ASAH2: variants seen among roughly 807,000 people sequenced by gnomAD.
ASAH2 encodes N-acylsphingosine amidohydrolase 2.
A neutral mutation model predicts 82.9 loss-of-function variants in ASAH2; 58 were observed. The ratio of observed to expected loss-of-function variants is 0.70; its 90% confidence interval spans 0.57 to 0.87. The LOEUF is 0.87. Among genes scored for constraint, ASAH2 ranks in the 40% least tolerant of loss-of-function variants. ASAH2 has a pLI of 0.00. For missense variants in ASAH2, 779 were observed against 834.0 expected, an observed-to-expected ratio of 0.93 and a Z score of 0.81; for synonymous variants, 276 against 289.7, an observed-to-expected ratio of 0.95 and a Z score of 0.48.
intron 7 of ASAH2, among the ~76,000 whole-genome samples, chr10:50,225,300 C>G (rs1371209507): frequency 7.9e-5 from 12 of 152,218 alleles, no homozygotes; most frequent in African/African-American, 2.9e-4. Context: ...GCTGTAATCC[C>G]AGCTACTGGG....
At chr10:50,249,674 A>C (rs1295533754) in intron 1 of ASAH2, among the ~76,000 whole-genome samples, 1 of 152,214 alleles carries the variant, frequency 6.6e-6, no homozygotes, top group African/African-American at 2.4e-5. Context: ...ATGAAGCAAC[A>C]GTACTTCTTT....
intron 4 of ASAH2, among the ~76,000 whole-genome samples, chr10:50,237,375 G>A (rs1371184033): frequency 6.6e-6 from 1 of 152,156 alleles, no homozygotes; most frequent in Non-Finnish European, 1.5e-5. Context: ...CTTCCACCTT[G>A]GTCAAGCCAT....
intron 18 of ASAH2, among the ~76,000 whole-genome samples, chr10:50,195,665 G>C (rs1429953656): frequency 6.6e-6 from 1 of 151,744 alleles, no homozygotes; most frequent in Non-Finnish European, 1.5e-5. Flanking sequence ...ATGGATGAAT[G>C]GATAAAGAAA....
Position 50,203,808 on chromosome 10 carries a change from A to G in ASAH2, c.1626-129T>C, listed in dbSNP as rs1845224410. 1.1e-4 allele frequency: 88 copies of G among 783,420 alleles called. 2 individuals carry two copies. The South Asian group carries it at 1.3e-3, about 11-fold the overall frequency. 48.5% of individuals were successfully genotyped at this position (783,420 alleles called of 1,614,324 possible). A position where few individuals can be genotyped will look rare whatever the true frequency, so the allele number is the denominator to read the frequency against. On this transcript the variant is annotated intron_variant, in intron 14 of 20. Coordinates refer to ENST00000682911, the MANE Select transcript of ASAH2 (RefSeq NM_019893.4). ...CAATAGTAAAATATGTAGGAACCCA[A>G]TGACTATGAAAAGCTAAACTTGAAC...
intron 1 of ASAH2, among the ~76,000 whole-genome samples, chr10:50,250,740 TCAAA>T (rs1564856690): frequency 6.6e-6 from 1 of 152,214 alleles, no homozygotes; most frequent in African/African-American, 2.4e-5. Flanking sequence ...AGCCTGTGTA[TCAAA>T]CAGAGAGGGT....
intron 1 of ASAH2, among the ~76,000 whole-genome samples, chr10:50,249,057 G>A (rs571686878): frequency 8.5e-4 from 130 of 152,298 alleles, no homozygotes; most frequent in African/African-American, 3.0e-3. Flanking sequence ...CATACTTCTT[G>A]TATTTGGGAG....
At chr10:50,198,210 C>CA (rs1743922190) in intron 17 of ASAH2, 1 of 151,806 alleles carries the variant, frequency 6.6e-6, no homozygotes, top group Non-Finnish European at 1.5e-5. Context: ...TGCTATGCCA[C>CA]AATTGTTTCA....
At chr10:50,238,375 T>C (rs1474370667) in intron 4 of ASAH2, among the ~76,000 whole-genome samples, 5 of 152,356 alleles carry the variant, frequency 3.3e-5, no homozygotes, top group African/African-American at 1.2e-4. Flanking sequence ...TCCCAAAGAC[T>C]GATTGTTTGG....
At chr10:50,239,417 A>T (rs973148227) in intron 4 of ASAH2, among the ~76,000 whole-genome samples, 5 of 152,148 alleles carry the variant, frequency 3.3e-5, no homozygotes, top group Non-Finnish European at 5.9e-5. Flanking sequence ...ACTTGATAAC[A>T]CCTACAAAAC....
chr10:50,205,059 T>C (rs1416856467), intron 13 of ASAH2, 104 bp from the exon 14 acceptor site: 7 of 731,696 alleles, frequency 9.6e-6, no homozygotes, highest in Non-Finnish European at 1.6e-5. Context: ...ATTTATGATG[T>C]AGTATTAAAT....
intron 7 of ASAH2, among the ~76,000 whole-genome samples, chr10:50,222,583 T>C (rs991108155): frequency 6.6e-6 from 1 of 152,154 alleles, no homozygotes; most frequent in African/African-American, 2.4e-5. Context: ...CCTGGCTTGA[T>C]TTCTTCTTTA....
In ASAH2 at chr10:50,245,232, T is replaced by C. The variant is rs781244684; in HGVS notation, c.350A>G (p.Asp117Gly). The C allele has an allele frequency of 1.2e-6, 2 of 1,613,500 alleles. No individual in the cohort carries two copies. Among genetic ancestry groups the C allele is most frequent in the Non-Finnish European group, 8.5e-7 (1 of 1,179,430 alleles). Residue 117 changes from aspartate to glycine, a missense_variant, in exon 3 of 21, where the codon GAT becomes GGT. Coordinates refer to ENST00000682911, the MANE Select transcript of ASAH2 (RefSeq NM_019893.4). ...CCATTGTCTACTTGCCAAATTGATA[T>C]CTGCTACTTGTCCTGTGCAGTCAGC... is the stretch of plus-strand genomic sequence containing the variant. Reference protein sequence around the residue: ...GRADCTGQVADINLMGYGKSG... With the variant: ...GRADCTGQVAGINLMGYGKSG...
At chr10:50,194,730 T>C (rs1295194228) in intron 18 of ASAH2, among the ~76,000 whole-genome samples, 2 of 151,018 alleles carry the variant, frequency 1.3e-5, no homozygotes, top group African/African-American at 4.9e-5. Flanking sequence ...TTGGTACACA[T>C]AGACCAATGG....
intron 18 of ASAH2, among the ~76,000 whole-genome samples, chr10:50,196,043 C>A (rs1844970567): frequency 6.6e-6 from 1 of 151,738 alleles, no homozygotes; most frequent in Non-Finnish European, 1.5e-5. Context: ...TTAAGAAAGT[C>A]TCAAATTTTC....
At chr10:50,234,820 G>C (rs1197240651) in intron 5 of ASAH2, among the ~76,000 whole-genome samples, 2 of 152,082 alleles carry the variant, frequency 1.3e-5, no homozygotes, top group East Asian at 1.9e-4. Flanking sequence ...CTCAACTCCT[G>C]CTCTCTCAGG....
In ASAH2 at chr10:50,187,324, T is replaced by C; in HGVS notation, c.2334A>G (p.Val778=). ...ATCTATCAACTTTTCACTAAATAGT[T>C]ACAACTTCAAAAGCCGGGGAAGTGC... The part of the protein sequence containing the change: ...FEGTSPAFEV[V]TI Residue 778 remains valine, a synonymous_variant, in exon 21 of 21, where the codon GTA becomes GTG. Transcript: ENST00000682911. 1.1e-5 allele frequency: 3 copies of C among 272,508 alleles called. No homozygotes were observed. Among genetic ancestry groups the C allele is most frequent in the South Asian group, 8.7e-5 (3 of 34,442 alleles). The allele number at this position is 272,508 out of a possible 1,614,324, so 16.9% of individuals were successfully genotyped here. A position where few individuals can be genotyped will look rare whatever the true frequency, so the allele number is the denominator to read the frequency against.
rs1384616957 is a variant in ASAH2 at position 50,185,059 on chromosome 10, CA to C, written c.*2255del. On this transcript the variant is annotated 3_prime_UTR_variant, in exon 21 of 21. Coordinates refer to ENST00000682911, the MANE Select transcript of ASAH2 (RefSeq NM_019893.4). The stretch of plus-strand genomic sequence containing the variant: ...ATTTTAACATGAGAAACAAAATCTC[CA>C]AAATTGTTCTCCTACCTACCCAATC... 1 of 151,142 alleles carries C rather than the reference CA, an allele frequency of 6.6e-6. No individual in the cohort carries two copies. Among genetic ancestry groups the C allele is most frequent in the Non-Finnish European group, 1.5e-5 (1 of 67,652 alleles). The allele number at this position is 151,142 out of a possible 1,614,324, so 9.4% of individuals were successfully genotyped here. A position where few individuals can be genotyped will look rare whatever the true frequency, so the allele number is the denominator to read the frequency against.
intron 7 of ASAH2, among the ~76,000 whole-genome samples, chr10:50,221,608 G>A (rs1845744704): frequency 6.7e-6 from 1 of 149,148 alleles, no homozygotes; most frequent in South Asian, 2.1e-4. Flanking sequence ...AAGTCAAGAA[G>A]CAGAGCAATG....
At chr10:50,204,047 G>C (rs1845229151) in intron 14 of ASAH2, among the ~76,000 whole-genome samples, 1 of 151,950 alleles carries the variant, frequency 6.6e-6, no homozygotes, top group African/African-American at 2.4e-5. Context: ...AGCCAATGTG[G>C]CTGAATCAGA....
Sources: gnomAD v4.1 joint callset for allele counts (sites outside exome capture counted in the v4.1 genomes callset) on GRCh38, gnomAD v4.1.1 for gene constraint, MANE v1.5 for transcripts, NCBI Gene and HGNC (gene_info 2026-07-23, HGNC 2026-07-21) for gene names.